JADE3: variants seen among roughly 807,000 people sequenced by gnomAD.
JADE3 encodes the protein protein Jade-3.
JADE3 carries 2 observed loss-of-function variants against 50.1 expected under a neutral mutation model. That is an observed-to-expected ratio of 0.04 (90% CI 0.02 to 0.13). The LOEUF is 0.13. JADE3 is among the 10% of genes least tolerant of loss of function. The probability of loss-of-function intolerance (pLI) is 1.00; values close to 1 mark genes in which losing one functional copy is unlikely to be tolerated. For missense variants in JADE3, 475 were observed against 634.4 expected (o/e 0.75, Z 2.70); for synonymous variants, 218 against 232.9 (o/e 0.94, Z 0.58).
At position 46,923,393 on chromosome X, in the gene JADE3, C is replaced by CTTTTTTTTTTT. The variant is rs782555482; in HGVS notation, c.-12+10692_-12+10702dup. On this transcript the variant is annotated intron_variant, in intron 1 of 10. Coordinates refer to ENST00000614628, the MANE Select transcript of JADE3 (RefSeq NM_014735.5). ...ATTTCTTTTCTCTCTCTCTCTCTCT[C>CTTTTTTTTTTT]TTTTTTTTTTTTTTTTTTTTTTTTT... is the stretch of plus-strand genomic sequence containing the variant. 6.4e-3 allele frequency among the ~76,000 whole-genome samples: 74 copies of CTTTTTTTTTTT among 11,516 alleles called. 9 individuals are homozygous for CTTTTTTTTTTT. The highest frequency in any genetic ancestry group is 0.011 in the Non-Finnish European group (52 of 4,937). 10.0% of individuals were successfully genotyped at this position (11,516 alleles called of 115,157 possible).
chrX:46,985,610 C>T, intron 2 of JADE3, 103 bp from the exon 3 acceptor site: 3 of 543,611 alleles, frequency 5.5e-6, no homozygotes, highest in South Asian at 6.2e-5. Flanking sequence ...CTGGTTTCTC[C>T]ATCATATTTT....
intron 1 of JADE3, among the ~76,000 whole-genome samples, chrX:46,951,181 C>T (rs1162907638): frequency 3.7e-5 from 4 of 106,833 alleles, no homozygotes; most frequent in African/African-American, 1.3e-4. Context: ...CGGGTTCAAG[C>T]GATTTCTGGC....
intron 1 of JADE3, among the ~76,000 whole-genome samples, chrX:46,958,184 TC>T (rs1380126214): frequency 8.9e-6 from 1 of 111,994 alleles, no homozygotes; most frequent in Non-Finnish European, 1.9e-5. Flanking sequence ...ACATTATGTT[TC>T]TGAATTCAGC....
In JADE3 at chrX:47,058,479, C is replaced by T; in HGVS notation, c.1874C>T (p.Thr625Ile). 8.3e-7 allele frequency: 1 copy of T among 1,211,328 alleles called. No individual in the cohort carries two copies. The part of the protein sequence containing the change: ...EAKESSPAWR[T>I]PSSECYHGQS... ...AAGGAGTCCAGTCCTGCTTGGAGAA[C>T]CCCGTCCTCGGAGTGCTATCATGGG... Residue 625 changes from threonine to isoleucine, a missense_variant, in exon 11 of 11, where the codon ACC becomes ATC. Thr to Ile is a moderately conservative substitution (Grantham distance 89, BLOSUM62 -1). Transcript: ENST00000614628.
At chrX:46,980,856 C>T (rs1927733345) in intron 1 of JADE3, among the ~76,000 whole-genome samples, 1 of 111,298 alleles carries the variant, frequency 9.0e-6, no homozygotes. Context: ...ATTTAGCTGA[C>T]TATAAAATAG....
intron 4 of JADE3, among the ~76,000 whole-genome samples, chrX:47,017,494 A>G (rs1466521327): frequency 8.9e-6 from 1 of 112,118 alleles, no homozygotes; most frequent in Non-Finnish European, 1.9e-5. Context: ...TATAAGTTGT[A>G]TAATACACAA....
chrX:47,012,175 C>G, intron 4 of JADE3, among the ~76,000 whole-genome samples: 1 of 111,894 alleles, frequency 8.9e-6, no homozygotes. Flanking sequence ...CATAAGAGTT[C>G]TTTACATATT....
At chrX:46,927,722 T>G (rs1465448531) in intron 1 of JADE3, among the ~76,000 whole-genome samples, 1 of 111,678 alleles carries the variant, frequency 9.0e-6, no homozygotes. Context: ...AGAAACACAT[T>G]GAGGTCGGAA....
chrX:47,049,355 G>A (rs1929451004), intron 8 of JADE3, among the ~76,000 whole-genome samples: 1 of 109,081 alleles, frequency 9.2e-6, no homozygotes, highest in Non-Finnish European at 1.9e-5. Context: ...TTTTAGTAGG[G>A]ATGGGGTTTC....
At chrX:46,935,139 G>A (rs1256629982) in intron 1 of JADE3, among the ~76,000 whole-genome samples, 2 of 110,643 alleles carry the variant, frequency 1.8e-5, no homozygotes, top group African/African-American at 6.6e-5. Context: ...TTGCCATGTT[G>A]GCCAGGCTGG....
intron 1 of JADE3, among the ~76,000 whole-genome samples, chrX:46,931,900 A>G (rs17147434): frequency 0.059 from 6,580 of 111,618 alleles, 476 homozygotes; most frequent in African/African-American, 0.2. Flanking sequence ...TCTTCCTTGT[A>G]TACCAATGCT....
chrX:46,961,152 A>G (rs1435289900), intron 1 of JADE3, among the ~76,000 whole-genome samples: 3 of 112,267 alleles, frequency 2.7e-5, no homozygotes, highest in African/African-American at 9.7e-5. Flanking sequence ...AATGGACTAG[A>G]AATTGGTGTT....
intron 4 of JADE3, among the ~76,000 whole-genome samples, chrX:47,006,843 TA>T (rs1378712960): frequency 2.6e-4 from 29 of 111,632 alleles, no homozygotes; most frequent in Admixed American, 1.1e-3. Flanking sequence ...CTTAAGTATA[TA>T]TTTTTTTAAC....
At chrX:46,982,576 G>T (rs1246347269) in intron 1 of JADE3, among the ~76,000 whole-genome samples, 1 of 110,849 alleles carries the variant, frequency 9.0e-6, no homozygotes, top group Non-Finnish European at 1.9e-5. Context: ...CCTCCACCAG[G>T]GTTCTTTATT....
intron 6 of JADE3, among the ~76,000 whole-genome samples, chrX:47,030,440 A>G (rs782386557): frequency 2.7e-5 from 3 of 112,029 alleles, no homozygotes; most frequent in African/African-American, 6.5e-5. Flanking sequence ...TTGGTACCCT[A>G]TAAAGTTTCA....
At chrX:46,923,801 A>C (rs1209108944) in intron 1 of JADE3, among the ~76,000 whole-genome samples, 2 of 111,016 alleles carry the variant, frequency 1.8e-5, no homozygotes, top group African/African-American at 6.6e-5. Flanking sequence ...CTGCTTCCCA[A>C]GAGCTAGCTC....
intron 1 of JADE3, among the ~76,000 whole-genome samples, chrX:46,938,951 CTGAG>C (rs1179974248): frequency 2.7e-5 from 3 of 112,369 alleles, no homozygotes; most frequent in African/African-American, 9.7e-5. Context: ...TCTCTGCCTC[CTGAG>C]TAAGTGGGAC....
chrX:47,018,341 T>C (rs962807735), intron 4 of JADE3, among the ~76,000 whole-genome samples: 1 of 107,478 alleles, frequency 9.3e-6, no homozygotes, highest in Non-Finnish European at 1.9e-5. Flanking sequence ...AGCACTTTCT[T>C]TTTTTTTTTT....
rs184755876 is a variant in JADE3 at position 46,961,412 on chromosome X, C to T, written c.-11-23472C>T. On this transcript the variant is annotated intron_variant, in intron 1 of 10. Coordinates refer to ENST00000614628, the MANE Select transcript of JADE3 (RefSeq NM_014735.5). ...TTCTGAATTCAGAACTTGATAAAAA[C>T]AGTAAATGAACAAAGGACTTTTTAC... 1.2e-3 allele frequency among the ~76,000 whole-genome samples: 140 copies of T among 112,499 alleles called. 2 individuals are homozygous for T. In the Middle Eastern group the frequency reaches 0.018, roughly 15 times the overall value.
Sources: gnomAD v4.1 joint callset for allele counts (sites outside exome capture counted in the v4.1 genomes callset) on GRCh38, gnomAD v4.1.1 for gene constraint, MANE v1.5 for transcripts, NCBI Gene and HGNC (gene_info 2026-07-23, HGNC 2026-07-21) for gene names.